The following PCDHA6 variants were observed in gnomAD, a reference collection of about 807,000 sequenced individuals.
PCDHA6 encodes the protein protocadherin alpha 6.
A neutral mutation model predicts 60.3 loss-of-function variants in PCDHA6; 55 were observed. The ratio of observed to expected loss-of-function variants is 0.91; its 90% CI spans 0.73 to 1.14. PCDHA6 has a LOEUF of 1.14. PCDHA6 is among the 50% of genes most tolerant of loss of function. The pLI is 0.00. For missense variants in PCDHA6, 1,327 were observed against 1,256.5 expected, an observed-to-expected ratio of 1.06 and a Z score of -0.85; for synonymous variants, 652 against 557.9, an observed-to-expected ratio of 1.17 and a Z score of -2.38.
At chr5:140,882,565 C>T (rs782122682) in intron 1 of PCDHA6, 5 of 1,614,118 alleles carry the variant, frequency 3.1e-6, no homozygotes, top group Non-Finnish European at 4.2e-6. Context: ...GTGGGCGGAG[C>T]GCGGAGTGCA....
intron 1 of PCDHA6, among the ~76,000 whole-genome samples, chr5:140,889,720 T>G (rs1259294888): frequency 2.6e-5 from 4 of 152,240 alleles, no homozygotes; most frequent in African/African-American, 9.6e-5. Context: ...TCTTTGCTAC[T>G]GTCTCACTGA....
chr5:140,848,691 T>A (rs1554142358), intron 1 of PCDHA6: 1 of 1,591,900 alleles, frequency 6.3e-7, no homozygotes, highest in Non-Finnish European at 8.6e-7. Flanking sequence ...CCTGTTCCAG[T>A]TGGATTCCAA....
chr5:140,876,585 G>T, intron 1 of PCDHA6: 5 of 1,614,202 alleles, frequency 3.1e-6, no homozygotes, highest in Non-Finnish European at 4.2e-6. Context: ...TCATTGCCCT[G>T]ATTAGCGTGT....
In PCDHA6 at chr5:140,842,941, G is replaced by T. The variant is rs1388720747; in HGVS notation, c.2394+12456G>T. 6 of 1,594,648 alleles carry T rather than the reference G, an allele frequency of 3.8e-6. No homozygotes were observed. The East Asian group carries it at 8.9e-5, about 24-fold the overall frequency. ...AGTTCCAGGTGAGCGCGCGCGACGC[G>T]GGCGTGCCGCCTCTGGGCAGCAACG... On this transcript the variant is annotated intron_variant, in intron 1 of 3. Coordinates refer to ENST00000529310, the MANE Select transcript of PCDHA6 (RefSeq NM_018909.4).
chr5:140,877,792 CCAAGCCTTCAGCT>C, intron 1 of PCDHA6: 1 of 1,614,004 alleles, frequency 6.2e-7, no homozygotes, highest in East Asian at 2.2e-5. Context: ...GGCCTTCAGC[CCAAGCCTTCAGCT>C]GTCTCGAGAA....
chr5:140,877,062 G>T, intron 1 of PCDHA6: 3 of 1,612,992 alleles, frequency 1.9e-6, no homozygotes, highest in Non-Finnish European at 2.5e-6. Flanking sequence ...AGCTGGAGCT[G>T]CTGCAGTTCC....
intron 1 of PCDHA6, among the ~76,000 whole-genome samples, chr5:140,977,937 T>C (rs1264352481): frequency 5.3e-5 from 8 of 152,162 alleles, no homozygotes; most frequent in African/African-American, 1.9e-4. Flanking sequence ...TATACCTCAA[T>C]ATTCAGTGAC....
chr5:140,947,645 A>G (rs1373528004), intron 1 of PCDHA6, among the ~76,000 whole-genome samples: 2 of 151,670 alleles, frequency 1.3e-5, no homozygotes, highest in African/African-American at 2.4e-5. Flanking sequence ...GTATGAACAT[A>G]TATACCTCCA....
chr5:140,994,229 A>G (rs1488908759), intron 3 of PCDHA6, among the ~76,000 whole-genome samples: 3 of 152,188 alleles, frequency 2.0e-5, no homozygotes, highest in African/African-American at 7.2e-5. Flanking sequence ...TGTCTATGTT[A>G]TAATCAATTC....
chr5:140,863,699 T>C, intron 1 of PCDHA6: 1 of 299,368 alleles, frequency 3.3e-6, no homozygotes, highest in Non-Finnish European at 6.5e-6. Context: ...GATGCTTTAT[T>C]TAAAGTACAC....
chr5:140,870,726 G>A (rs782321328), intron 1 of PCDHA6: 15 of 1,613,118 alleles, frequency 9.3e-6, no homozygotes, highest in East Asian at 2.2e-5. Flanking sequence ...ATGCGGGCGT[G>A]CCGCCTCTGA....
chr5:140,900,586 AC>A (rs1554189274), intron 1 of PCDHA6, among the ~76,000 whole-genome samples: 1 of 151,926 alleles, frequency 6.6e-6, no homozygotes, highest in African/African-American at 2.4e-5. Flanking sequence ...CATTTTCTTT[AC>A]CCGTTCATCT....
intron 3 of PCDHA6, among the ~76,000 whole-genome samples, chr5:141,000,999 A>G (rs1315543518): frequency 6.6e-6 from 1 of 152,234 alleles, no homozygotes; most frequent in Non-Finnish European, 1.5e-5. Context: ...TATGCTTTAA[A>G]TATGTATTTA....
At chr5:140,883,758 G>C (rs781858673) in intron 1 of PCDHA6, 4 of 1,612,920 alleles carry the variant, frequency 2.5e-6, no homozygotes, top group Non-Finnish European at 3.4e-6. Context: ...CTGGTGGAGC[G>C]GCGGGTGGGC....
At chr5:140,988,482 C>T (rs1017365611) in intron 3 of PCDHA6, among the ~76,000 whole-genome samples, 1 of 152,152 alleles carries the variant, frequency 6.6e-6, no homozygotes, top group Non-Finnish European at 1.5e-5. Flanking sequence ...GAATTAGCAT[C>T]CCCTACCTAG....
chr5:140,967,030 C>T, intron 1 of PCDHA6: 1 of 1,609,320 alleles, frequency 6.2e-7, no homozygotes, highest in Non-Finnish European at 8.5e-7. Flanking sequence ...CCAGTCCGCG[C>T]TACCTGGAGC....
intron 1 of PCDHA6, chr5:140,870,192 G>C: frequency 1.9e-6 from 3 of 1,614,158 alleles, no homozygotes; most frequent in Non-Finnish European, 2.5e-6. Context: ...AGGACGCTCA[G>C]CCCAGCACGG....
intron 1 of PCDHA6, among the ~76,000 whole-genome samples, chr5:140,920,334 T>A (rs2079581280): frequency 6.6e-6 from 1 of 152,212 alleles, no homozygotes; most frequent in South Asian, 2.1e-4. Context: ...TTATGGCATT[T>A]CTTATTTGTC....
intron 1 of PCDHA6, chr5:140,875,776 T>G: frequency 6.2e-7 from 1 of 1,613,910 alleles, no homozygotes; most frequent in Non-Finnish European, 8.5e-7. Context: ...GAGCGCGGAG[T>G]GCAGTATCCA....
Sources: gnomAD v4.1 joint callset for allele counts (sites outside exome capture counted in the v4.1 genomes callset) on GRCh38, gnomAD v4.1.1 for gene constraint, MANE v1.5 for transcripts, NCBI Gene and HGNC (gene_info 2026-07-23, HGNC 2026-07-21) for gene names.